Variants in GON4L observed in about 807,000 individuals in gnomAD.
GON4L encodes the protein GON-4-like protein.
Under a neutral mutation model 211.8 loss-of-function variants are expected in GON4L, and 87 were observed. That is an observed-to-expected ratio of 0.41 (90% CI 0.35 to 0.49). The LOEUF (loss-of-function observed/expected upper bound fraction) is 0.49, where lower values mean the gene tolerates loss of function less well. GON4L is among the 20% of genes least tolerant of loss of function. The probability of loss-of-function intolerance (pLI) is 0.15; values close to 1 mark genes in which losing one functional copy is unlikely to be tolerated. For missense variants in GON4L, 2,155 were observed against 2,659.5 expected, an observed-to-expected ratio of 0.81 and a Z score of 4.17; for synonymous variants, 875 against 962.6, an observed-to-expected ratio of 0.91 and a Z score of 1.68.
At chr1:155,803,961 T>C (rs1666915369) in intron 11 of GON4L, among the ~76,000 whole-genome samples, 1 of 152,198 alleles carries the variant, frequency 6.6e-6, no homozygotes, top group South Asian at 2.1e-4. Context: ...TTTACTACAC[T>C]TCCCAAAGTC....
chr1:155,857,888 T>C (rs1465273547), upstream of GON4L, among the ~76,000 whole-genome samples: 1 of 152,228 alleles, frequency 6.6e-6, no homozygotes, highest in Non-Finnish European at 1.5e-5. Flanking sequence ...ACTCAGGCTA[T>C]AGTAATTATT....
downstream of GON4L, chr1:155,747,955 A>G: frequency 1.3e-6 from 2 of 1,567,526 alleles, no homozygotes; most frequent in South Asian, 2.3e-5. Flanking sequence ...GCTTAATGCA[A>G]ACTGGTTTTT....
chr1:155,757,080 GAGA>G lies in GON4L; in HGVS notation c.5398-6_5398-4del, dbSNP rs748923049. The G allele has an allele frequency of 3.1e-6, 5 of 1,613,736 alleles. No individual in the cohort carries two copies. The highest frequency in any genetic ancestry group is 2.2e-5 in the East Asian group (1 of 44,892). On this transcript the variant is annotated splice_polypyrimidine_tract_variant and splice_region_variant and intron_variant, in intron 26 of 31. Transcript: ENST00000368331. ...GCCACTTCTTCAAAGCCATCAAACT[GAGA>G]AGGAGTTGGTGCTGCTGAGCACAGA...
At chr1:155,761,000 T>C (rs967850607) in intron 23 of GON4L, among the ~76,000 whole-genome samples, 4 of 152,072 alleles carry the variant, frequency 2.6e-5, no homozygotes, top group African/African-American at 9.7e-5. Context: ...TGGGCGTAAT[T>C]TGAGAGTAAA....
At chr1:155,784,112 G>A in intron 13 of GON4L, 23 bp from the exon 14 acceptor site, 2 of 1,612,616 alleles carry the variant, frequency 1.2e-6, no homozygotes, top group East Asian at 2.2e-5. Flanking sequence ...GAAAGGGAGG[G>A]TTTTCCTGGG....
intron 11 of GON4L, among the ~76,000 whole-genome samples, chr1:155,800,870 A>T (rs1666589287): frequency 6.6e-6 from 1 of 151,446 alleles, no homozygotes; most frequent in Admixed American, 6.6e-5. Flanking sequence ...AAAAAAAAAA[A>T]AGGTTTAACT....
downstream of GON4L, chr1:155,747,758 C>T (rs1420936493): frequency 1.2e-6 from 2 of 1,613,732 alleles, no homozygotes; most frequent in African/African-American, 1.3e-5. Context: ...TCACCCCCGC[C>T]CAGGGCTTCC....
intron 2 of GON4L, among the ~76,000 whole-genome samples, chr1:155,842,167 T>G (rs1051908961): frequency 2.0e-5 from 3 of 151,906 alleles, no homozygotes; most frequent in Non-Finnish European, 2.9e-5. Flanking sequence ...AATATGAAAA[T>G]AAAGTATTGC....
At chr1:155,774,713 T>G in intron 17 of GON4L, 1 of 506,104 alleles carries the variant, frequency 2.0e-6, no homozygotes, top group Non-Finnish European at 3.6e-6. Context: ...CTCCTAATAC[T>G]TACCCCTCAT....
chr1:155,840,481 T>TA (rs1371259117), intron 2 of GON4L, among the ~76,000 whole-genome samples: 1 of 152,214 alleles, frequency 6.6e-6, no homozygotes, highest in Non-Finnish European at 1.5e-5. Context: ...ATCAAAGCTA[T>TA]AAAAACTAAT....
At chr1:155,791,674 C>A (rs1665576942) in intron 12 of GON4L, among the ~76,000 whole-genome samples, 1 of 151,766 alleles carries the variant, frequency 6.6e-6, no homozygotes, top group South Asian at 2.1e-4. Context: ...TCAAGACCAG[C>A]CTGGCCAACC....
intron 23 of GON4L, among the ~76,000 whole-genome samples, chr1:155,761,728 C>T (rs986899720): frequency 1.3e-5 from 2 of 151,762 alleles, no homozygotes; most frequent in Non-Finnish European, 2.9e-5. Context: ...CTCCTGACCT[C>T]AGGTGATCCA....
chr1:155,770,940 T>A, intron 19 of GON4L, 127 bp downstream of exon 19: 1 of 1,306,198 alleles, frequency 7.7e-7, no homozygotes, highest in East Asian at 2.3e-5. Flanking sequence ...GGGGAATTAA[T>A]CTAGTGTAAA....
chr1:155,751,699 G>A, intron 31 of GON4L, 68 bp downstream of exon 31: 1 of 1,040,970 alleles, frequency 9.6e-7, no homozygotes. Flanking sequence ...TCCTTCTTTG[G>A]CCTTTCTGTC....
At chr1:155,848,476 T>C (rs780345603) in intron 2 of GON4L, among the ~76,000 whole-genome samples, 10 of 152,198 alleles carry the variant, frequency 6.6e-5, no homozygotes, top group Non-Finnish European at 1.2e-4. Flanking sequence ...GCTTCAAGGC[T>C]CTCCATAATC....
intron 11 of GON4L, among the ~76,000 whole-genome samples, chr1:155,796,115 A>G (rs1666043012): frequency 6.6e-6 from 1 of 152,160 alleles, no homozygotes; most frequent in Non-Finnish European, 1.5e-5. Flanking sequence ...TAAAAGTTCA[A>G]TACATGTATG....
intron 10 of GON4L, among the ~76,000 whole-genome samples, chr1:155,812,483 T>C (rs1048629768): frequency 4.0e-5 from 6 of 151,692 alleles, no homozygotes; most frequent in African/African-American, 1.2e-4. Context: ...TCCTCCAACA[T>C]AAAGGGCATT....
chr1:155,762,214 G>A lies in GON4L; in HGVS notation c.4887C>T (p.Ala1629=), dbSNP rs775169045. 4 of 1,608,972 alleles carry A rather than the reference G, an allele frequency of 2.5e-6. No individual in the cohort carries two copies. The highest frequency in any genetic ancestry group is 1.1e-5 in the South Asian group (1 of 89,768). The part of the protein sequence containing the change: ...RDPLREQKDL[A]FAQAYLTRVR... ...CCCTGGTCAGATAAGCTTGGGCAAA[G>A]GCCAAGTCCTTCTGCTCCCTGAGTG... is the stretch of plus-strand genomic sequence containing the variant. The change falls in exon 23 of 32, where the codon GCC becomes GCT. Residue 1629 remains alanine, a synonymous_variant. Coordinates refer to ENST00000368331, the MANE Select transcript of GON4L (RefSeq NM_001282860.2).
At chr1:155,794,199 G>A (rs1314999163) in intron 12 of GON4L, among the ~76,000 whole-genome samples, 1 of 152,000 alleles carries the variant, frequency 6.6e-6, no homozygotes, top group Non-Finnish European at 1.5e-5. Context: ...AGCCTCCGGA[G>A]TAGCTGGGAT....
Sources: allele counts gnomAD v4.1 joint callset (sites outside exome capture counted in the v4.1 genomes callset), GRCh38; gene constraint gnomAD v4.1.1; transcripts MANE v1.5; gene names NCBI Gene and HGNC (gene_info 2026-07-23, HGNC 2026-07-21).